Variants in PKP2 observed in about 807,000 individuals in gnomAD.
The protein encoded by PKP2 is plakophilin-2.
Under a neutral mutation model 83.4 loss-of-function variants are expected in PKP2, and 73 were observed. The observed-to-expected ratio is 0.88, with a 90% confidence interval of 0.72 to 1.06. PKP2 has a LOEUF of 1.06. Ranked by LOEUF, PKP2 falls within the 50% of genes least tolerant of loss-of-function variation. The probability of loss-of-function intolerance (pLI) is 0.00; values close to 1 mark genes in which losing one functional copy is unlikely to be tolerated. For missense variants in PKP2, 966 were observed against 1,065.4 expected (o/e 0.91, Z 1.30); for synonymous variants, 409 against 430.4 (o/e 0.95, Z 0.62).
chr12:32,846,763 A>AAAAAAAAAAAAAAAAAAAAAAAAAG (rs1956649616), intron 5 of PKP2, among the ~76,000 whole-genome samples: 2 of 150,784 alleles, frequency 1.3e-5, no homozygotes, highest in Non-Finnish European at 3.0e-5. Flanking sequence ...AAAAAAAAAA[A>AAAAAAAAAAAAAAAAAAAAAAAAAG]GAAGAGAGAG....
chr12:32,805,421 G>T (rs1473104188), intron 9 of PKP2, among the ~76,000 whole-genome samples: 1 of 152,086 alleles, frequency 6.6e-6, no homozygotes, highest in Non-Finnish European at 1.5e-5. Flanking sequence ...TTCTTCTAGG[G>T]TTTTTATAGT....
chr12:32,853,820 C>CT (rs1299457678), intron 4 of PKP2, among the ~76,000 whole-genome samples: 1 of 152,134 alleles, frequency 6.6e-6, no homozygotes, highest in Non-Finnish European at 1.5e-5. Context: ...TGGCTTCCTC[C>CT]TTTTAATAAG....
chr12:32,860,488 T>C (rs1174182857), intron 4 of PKP2, among the ~76,000 whole-genome samples: 1 of 152,210 alleles, frequency 6.6e-6, no homozygotes, highest in Non-Finnish European at 1.5e-5. Context: ...CAGAAGTGTC[T>C]TGCCTTAAGA....
intron 4 of PKP2, among the ~76,000 whole-genome samples, chr12:32,858,233 G>A (rs554942980): frequency 1.2e-4 from 18 of 147,988 alleles, no homozygotes; most frequent in Admixed American, 4.1e-4. Flanking sequence ...GACCCCCAGA[G>A]GTCAAGGCTG....
At chr12:32,896,382 A>T in intron 1 of PKP2, 127 bp downstream of exon 1, 1 of 661,696 alleles carries the variant, frequency 1.5e-6, no homozygotes, top group Non-Finnish European at 2.4e-6. Context: ...CATACCGAAG[A>T]CGGCGAGCAA....
intron 10 of PKP2, among the ~76,000 whole-genome samples, chr12:32,801,373 C>T (rs1335375063): frequency 1.4e-5 from 2 of 143,592 alleles, no homozygotes; most frequent in Non-Finnish European, 3.0e-5. Flanking sequence ...GCACAAAAGA[C>T]CATGGGGAGA....
intron 5 of PKP2, among the ~76,000 whole-genome samples, chr12:32,844,022 G>A (rs1190953601): frequency 6.6e-6 from 1 of 152,156 alleles, no homozygotes; most frequent in Non-Finnish European, 1.5e-5. Flanking sequence ...CAAAGAAAAA[G>A]TACACCTTAC....
At chr12:32,821,184 C>T (rs1956371684) in intron 9 of PKP2, 172 bp downstream of exon 9, 7 of 637,002 alleles carry the variant, frequency 1.1e-5, no homozygotes, top group Non-Finnish European at 1.7e-5. Flanking sequence ...GTCAAGCAGC[C>T]TGACTTGACT....
chr12:32,814,736 C>T, intron 9 of PKP2, among the ~76,000 whole-genome samples: 1 of 152,008 alleles, frequency 6.6e-6, no homozygotes, highest in Non-Finnish European at 1.5e-5. Context: ...CCAGCCTGGC[C>T]AACATGGTGA....
chr12:32,810,972 C>A (rs1232421979), intron 9 of PKP2, among the ~76,000 whole-genome samples: 1 of 6,442 alleles, frequency 1.6e-4, no homozygotes, highest in Admixed American at 1.0e-3. Flanking sequence ...TGAGCCACCG[C>A]GCCCGGCCAG....
intron 10 of PKP2, among the ~76,000 whole-genome samples, chr12:32,799,494 T>C (rs1956159963): frequency 1.3e-5 from 2 of 152,220 alleles, no homozygotes; most frequent in Non-Finnish European, 2.9e-5. Context: ...TGCATGTTTA[T>C]AGCAGCACAA....
In PKP2 at chr12:32,796,386, T is replaced by C. The variant is rs549178311; in HGVS notation, c.2168-88A>G. The C allele has an allele frequency of 1.0e-5, 12 of 1,202,122 alleles. No homozygotes were observed. The South Asian group carries it at 1.5e-4, about 15-fold the overall frequency. The allele number at this position is 1,202,122 out of a possible 1,614,324, so 74.5% of individuals were successfully genotyped here. A position where few individuals can be genotyped will look rare whatever the true frequency, so the allele number is the denominator to read the frequency against. On this transcript the variant is annotated intron_variant, in intron 10 of 12. Transcript: ENST00000340811. ...CCAATATATTTTGGGTGAAGAACAT[T>C]CTTTTTCTTTTTTTGAGACGGAATC... is the stretch of plus-strand genomic sequence containing the variant.
chr12:32,855,034 A>G (rs919543747), intron 4 of PKP2, among the ~76,000 whole-genome samples: 2 of 152,180 alleles, frequency 1.3e-5, no homozygotes, highest in Non-Finnish European at 2.9e-5. Flanking sequence ...TTTCCCTCCC[A>G]TTAGAATTAA....
intron 4 of PKP2, among the ~76,000 whole-genome samples, chr12:32,865,681 C>CAAAAAAAAA (rs765071380): frequency 1.4e-4 from 14 of 103,672 alleles, no homozygotes; most frequent in African/African-American, 4.5e-4. Flanking sequence ...GACTCCGTCT[C>CAAAAAAAAA]AAAAAAAAAA....
chr12:32,829,739 C>T (rs530985840), intron 6 of PKP2, among the ~76,000 whole-genome samples: 2 of 152,088 alleles, frequency 1.3e-5, no homozygotes, highest in African/African-American at 4.8e-5. Context: ...TGGCTCACTG[C>T]AACCTCCGCT....
At chr12:32,819,275 C>A (rs1956349975) in intron 9 of PKP2, among the ~76,000 whole-genome samples, 1 of 146,336 alleles carries the variant, frequency 6.8e-6, no homozygotes, top group South Asian at 2.2e-4. Context: ...GAGATTCCGC[C>A]TCAAAATAAA....
At chr12:32,856,907 G>A (rs1055466155) in intron 4 of PKP2, among the ~76,000 whole-genome samples, 1 of 152,176 alleles carries the variant, frequency 6.6e-6, no homozygotes, top group African/African-American at 2.4e-5. Context: ...GCATTCTCAG[G>A]ACAACTCTTG....
intron 4 of PKP2, among the ~76,000 whole-genome samples, chr12:32,859,618 G>A (rs1455616817): frequency 6.6e-6 from 1 of 152,188 alleles, no homozygotes; most frequent in East Asian, 1.9e-4. Flanking sequence ...CACCATGCCA[G>A]TTAATTCTTG....
chr12:32,793,024 G>C, intron 11 of PKP2: 1 of 403,816 alleles, frequency 2.5e-6, no homozygotes, highest in East Asian at 5.7e-5. Context: ...GGCTGAGGTG[G>C]GTAGATCACG....
Sources: allele counts gnomAD v4.1 joint callset (sites outside exome capture counted in the v4.1 genomes callset), GRCh38; gene constraint gnomAD v4.1.1; transcripts MANE v1.5; gene names NCBI Gene and HGNC (gene_info 2026-07-23, HGNC 2026-07-21).